The following SPTBN5 variants were observed in gnomAD, a reference collection of about 807,000 sequenced individuals.
The protein encoded by SPTBN5 is spectrin beta chain, non-erythrocytic 5.
SPTBN5 carries 513 observed loss-of-function variants against 477.6 expected under a neutral mutation model. The observed-to-expected ratio is 1.07, with a 90% CI of 1.00 to 1.16. SPTBN5 has a LOEUF of 1.16. Among genes scored for constraint, SPTBN5 ranks in the 50% most tolerant of loss-of-function variants. SPTBN5 has a pLI of 0.00. For missense variants in SPTBN5, 5,062 were observed against 4,731.8 expected, an observed-to-expected ratio of 1.07 and a Z score of -2.05; for synonymous variants, 2,169 against 2,011.7, an observed-to-expected ratio of 1.08 and a Z score of -2.09.
chr15:41,885,169 G>A (rs781769177), intron 7 of SPTBN5, among the ~76,000 whole-genome samples: 7 of 152,002 alleles, frequency 4.6e-5, no homozygotes, highest in South Asian at 4.2e-4. Flanking sequence ...GATTACAGGC[G>A]CCCGCCACCA....
chr15:41,851,684 C>T lies in SPTBN5; in HGVS notation c.10656+95G>A, dbSNP rs2065769889. On this transcript the variant is annotated intron_variant, in intron 63 of 67. Transcript: ENST00000320955. ...GGGGGGTGGCATCTGCCCAAGTTCA[C>T]AGTGCAAGGGTGCCAGGCCCAGATG... The T allele has an allele frequency of 4.3e-6, 4 of 931,858 alleles. No individual in the cohort carries two copies. The South Asian group carries it at 4.5e-5, about 11-fold the overall frequency. 57.7% of individuals were successfully genotyped at this position (931,858 alleles called of 1,614,324 possible).
chr15:41,855,842 C>T, intron 53 of SPTBN5, 97 bp from the exon 54 acceptor site: 7 of 1,316,308 alleles, frequency 5.3e-6, no homozygotes, highest in Non-Finnish European at 7.1e-6. Context: ...AGGGGAATCA[C>T]CTGGGAGCTG....
intron 53 of SPTBN5, 81 bp from the exon 54 acceptor site, chr15:41,855,826 C>T (rs1176134608): frequency 5.0e-6 from 7 of 1,397,900 alleles, no homozygotes; most frequent in Non-Finnish European, 5.7e-6. Flanking sequence ...CTCAGCCTGG[C>T]TGCACAGGGG....
rs1216743510 is a variant in SPTBN5, at chr15:41,882,645, C to G, written c.1986G>C (p.Val662=). The change falls in exon 10 of 68, where the codon GTG becomes GTC. Residue 662 remains valine, a synonymous_variant. Coordinates refer to ENST00000320955, the MANE Select transcript of SPTBN5 (RefSeq NM_016642.4). ...EAWLKECGQR[V]GNAALGRDLS... ...GATCCCGGCCCAGGGCCGCATTCCC[C>G]ACCCGCTGTCCGCACTCCTTCAGCC... 4 of 1,607,676 alleles carry G rather than the reference C, an allele frequency of 2.5e-6. No individual in the cohort carries two copies. The highest frequency in any genetic ancestry group is 2.5e-6 in the Non-Finnish European group (3 of 1,177,780).
intron 6 of SPTBN5, among the ~76,000 whole-genome samples, chr15:41,886,967 G>C (rs2067173315): frequency 6.6e-6 from 1 of 152,248 alleles, no homozygotes; most frequent in South Asian, 2.1e-4. Context: ...CCCAGGAAGG[G>C]CCATTCCTCC....
Position 41,878,371 on chromosome 15 carries a change from C to T in SPTBN5, c.3441G>A (p.Leu1147=), listed in dbSNP as rs1448003417. Residue 1147 remains leucine, a synonymous_variant, in exon 17 of 68, where the codon CTG becomes CTA. Transcript: ENST00000320955. ...AQRLLREHQD[L]LEEIHLWQER... is the part of the protein sequence containing the mutation. ...CCTGCCACAGGTGGATCTCCTCCAG[C>T]AGGTCTTGGTGCTCCCTCAGCAGCC... The T allele has an allele frequency of 6.2e-7, 1 of 1,613,776 alleles. No individual in the cohort carries two copies. Among genetic ancestry groups the T allele is most frequent in the Non-Finnish European group, 8.5e-7 (1 of 1,179,894 alleles).
chr15:41,886,551 G>C (rs2067158254), intron 6 of SPTBN5, among the ~76,000 whole-genome samples, 185 bp from the exon 7 acceptor site: 1 of 152,224 alleles, frequency 6.6e-6, no homozygotes, highest in African/African-American at 2.4e-5. Context: ...AGACCCAGGA[G>C]CTTGGGGACC....
In SPTBN5 at chr15:41,872,393, G is replaced by A. The variant is rs1367893038; in HGVS notation, c.5074C>T (p.Leu1692Phe). The change falls in exon 27 of 68, where the codon CTC becomes TTC. Residue 1692 changes from leucine (L) to phenylalanine (F), a missense_variant. By Grantham distance (22) the Leu-to-Phe change is conservative (BLOSUM62 0). Coordinates refer to ENST00000320955, the MANE Select transcript of SPTBN5 (RefSeq NM_016642.4). Reference sequence around the variant, plus strand: ...TGCTCAGGGACTTCGGGGCCAGTGAGGGTTTGGGCCGTCTGGTCAAGCTCC... The same window carrying A: ...TGCTCAGGGACTTCGGGGCCAGTGAAGGTTTGGGCCGTCTGGTCAAGCTCC... The part of the protein sequence containing the change: ...MEELDQTAQT[L>F]TGPEVPEQQR... The A allele has an allele frequency of 6.2e-7, 1 of 1,606,190 alleles. No individual in the cohort carries two copies. The highest frequency in any genetic ancestry group is 1.1e-5 in the South Asian group (1 of 89,552).
In SPTBN5 at chr15:41,871,434, G is replaced by T; in HGVS notation, c.5388C>A (p.Ser1796Arg). The T allele has an allele frequency of 1.3e-6, 2 of 1,543,300 alleles. No individual in the cohort carries two copies. The highest frequency in any genetic ancestry group is 1.7e-6 in the Non-Finnish European group (2 of 1,143,544). Residue 1796 changes from serine (S) to arginine (R), a missense_variant, in exon 29 of 68, where the codon AGC (serine) becomes AGA (arginine). By Grantham distance (110) the Ser-to-Arg change is moderately radical. Transcript: ENST00000320955. ...CAGCACTGTGCCCACGCTCTAGCAG[G>T]CTCTCCGCCAGCAGCCGGCAGGCGG... is the stretch of plus-strand genomic sequence containing the variant. ...RVAACRLLAE[S>R]LLERGHSAGP...
Position 41,879,249 on chromosome 15 carries a change from G to T in SPTBN5, c.3182+11C>A, listed in dbSNP as rs1200953326. 6.2e-7 allele frequency: 1 copy of T among 1,603,926 alleles called. No homozygotes were observed. Among genetic ancestry groups the T allele is most frequent in the Non-Finnish European group, 8.5e-7 (1 of 1,174,770 alleles). On this transcript the variant is annotated intron_variant, in intron 16 of 67. Coordinates refer to ENST00000320955, the MANE Select transcript of SPTBN5 (RefSeq NM_016642.4). ...CACTGCCTCCCAATGCCACCACTGCGCTGGCCGTACTTTACGACCACACTT... is the reference window on the plus strand; with the variant it reads ...CACTGCCTCCCAATGCCACCACTGCTCTGGCCGTACTTTACGACCACACTT...
At chr15:41,892,045 C>T (rs1308547616) in intron 3 of SPTBN5, among the ~76,000 whole-genome samples, 1 of 152,168 alleles carries the variant, frequency 6.6e-6, no homozygotes, top group African/African-American at 2.4e-5. Context: ...CAGCTGGCAG[C>T]GTTCTGCTCT....
At chr15:41,866,923 C>T in intron 36 of SPTBN5, 36 bp downstream of exon 36, 1 of 1,534,164 alleles carries the variant, frequency 6.5e-7, no homozygotes. Flanking sequence ...GAGTGTGGTT[C>T]CAGTGGAAGG....
In SPTBN5 at chr15:41,872,302, C is replaced by T. The variant is rs554140412; in HGVS notation, c.5165G>A (p.Arg1722Gln). 203 of 1,609,990 alleles carry T rather than the reference C, an allele frequency of 1.3e-4. 2 individuals are homozygous for T. The South Asian group carries it at 1.9e-3, about 15-fold the overall frequency. The stretch of plus-strand genomic sequence containing the variant: ...ATGAGAGGGGTTATGGTGTCCTCAC[C>T]GTGTGGCCGCCAACTCCTGCAGTGC... ...LRALQELAAT[R>Q]DRELEGTLRL... The change falls in exon 27 of 68, where the codon CGG (arginine) becomes CAG (glutamine). Residue 1722 changes from arginine (R) to glutamine (Q), a missense_variant and splice_region_variant. Transcript: ENST00000320955.
At position 41,866,238 on chromosome 15, in the gene SPTBN5, A is replaced by T; in HGVS notation, c.6631-9T>A. Reference sequence around the variant, plus strand: ...AGGAGAGCCTCTCCCTTCTGGAGGGAGAGAGGGGACACAGGACATCTTGCC... The same window carrying T: ...AGGAGAGCCTCTCCCTTCTGGAGGGTGAGAGGGGACACAGGACATCTTGCC... On this transcript the variant is annotated splice_polypyrimidine_tract_variant and intron_variant, in intron 37 of 67. Transcript: ENST00000320955. The T allele has an allele frequency of 6.3e-7, 1 of 1,588,024 alleles. No homozygotes were observed. Among genetic ancestry groups the T allele is most frequent in the Non-Finnish European group, 8.6e-7 (1 of 1,168,484 alleles).
In SPTBN5 at chr15:41,852,678, G is replaced by A. The variant is rs1383941790; in HGVS notation, c.10405C>T (p.Leu3469=). The change falls in exon 61 of 68, where the codon CTG becomes TTG. Residue 3469 remains leucine (L), a synonymous_variant. Coordinates refer to ENST00000320955, the MANE Select transcript of SPTBN5 (RefSeq NM_016642.4). ...LHRHQDLEKL[L]AAQEEKFAQM... Reference sequence around the variant, plus strand: ...GCAAACTTCTCTTCCTGGGCTGCCAGCAGCTTTTCTAAGTCCTGGTGTCTG... The same window carrying A: ...GCAAACTTCTCTTCCTGGGCTGCCAACAGCTTTTCTAAGTCCTGGTGTCTG... 2.5e-6 allele frequency: 4 copies of A among 1,613,536 alleles called. No homozygotes were observed. The highest frequency in any genetic ancestry group is 3.4e-6 in the Non-Finnish European group (4 of 1,179,886).
At chr15:41,867,242 G>A (rs1054179925) in intron 35 of SPTBN5, 116 bp from the exon 36 acceptor site, 4 of 1,215,094 alleles carry the variant, frequency 3.3e-6, no homozygotes, top group Non-Finnish European at 4.5e-6. Context: ...AGCCCCACAT[G>A]GCTGAGGGGT....
intron 18 of SPTBN5, 49 bp from the exon 19 acceptor site, chr15:41,876,997 A>G: frequency 6.4e-7 from 1 of 1,572,626 alleles, no homozygotes; most frequent in Non-Finnish European, 8.6e-7. Flanking sequence ...GGGGGTCAGG[A>G]CCATCTCACC....
At position 41,875,528 on chromosome 15, in the gene SPTBN5, C is replaced by T. The variant is rs745827743; in HGVS notation, c.4217G>A (p.Arg1406His). 42 of 1,611,716 alleles carry T rather than the reference C, an allele frequency of 2.6e-5. No individual in the cohort carries two copies. The highest frequency in any genetic ancestry group is 2.5e-4 in the East Asian group (11 of 44,838). Residue 1406 changes from arginine to histidine, a missense_variant, in exon 22 of 68, where the codon CGC becomes CAC. Coordinates refer to ENST00000320955, the MANE Select transcript of SPTBN5 (RefSeq NM_016642.4). Reference sequence around the variant, plus strand: ...CTCGTCCCCACGCTCAGTCATCTTGCGGTTCAAAGCTTCCCACTTGCTTCT... The same window carrying T: ...CTCGTCCCCACGCTCAGTCATCTTGTGGTTCAAAGCTTCCCACTTGCTTCT... The part of the protein sequence containing the change: ...GLRSKWEALN[R>H]KMTERGDELQ...
Position 41,871,451 on chromosome 15 carries a change from G to A in SPTBN5, c.5371C>T (p.Arg1791Trp), listed in dbSNP as rs2066533301. 16 of 1,539,884 alleles carry A rather than the reference G, an allele frequency of 1.0e-5. No individual in the cohort carries two copies. The highest frequency in any genetic ancestry group is 1.7e-4 in the Middle Eastern group (1 of 5,972). ...EMGSQRVAAC[R>W]LLAESLLERG... ...TCTAGCAGGCTCTCCGCCAGCAGCC[G>A]GCAGGCGGCCACCCGCTGGCTGCCC... Residue 1791 changes from arginine to tryptophan, a missense_variant, in exon 29 of 68, where the codon CGG becomes TGG. Physicochemically the swap from Arg to Trp is moderately radical, Grantham distance 101. Coordinates refer to ENST00000320955, the MANE Select transcript of SPTBN5 (RefSeq NM_016642.4).
Sources: gnomAD v4.1 joint callset for allele counts (sites outside exome capture counted in the v4.1 genomes callset) on GRCh38, gnomAD v4.1.1 for gene constraint, MANE v1.5 for transcripts, NCBI Gene and HGNC (gene_info 2026-07-23, HGNC 2026-07-21) for gene names.